The following CDC7 variants were observed in gnomAD, a reference collection of about 807,000 sequenced individuals.
CDC7 encodes the protein cell division cycle 7-related protein kinase.
A neutral mutation model predicts 53.5 loss-of-function variants in CDC7; 34 were observed. The observed-to-expected ratio is 0.64, with a 90% CI of 0.48 to 0.85. The LOEUF is 0.85. CDC7 is among the 40% of genes least tolerant of loss of function. The pLI, the probability that CDC7 is intolerant of heterozygous loss-of-function variation, is 0.00. For missense variants in CDC7, 594 were observed against 679.7 expected (o/e 0.87, Z 1.40); for synonymous variants, 211 against 222.8 (o/e 0.95, Z 0.47).
chr1:91,514,505 C>T (rs1667456263), intron 8 of CDC7, among the ~76,000 whole-genome samples: 1 of 152,160 alleles, frequency 6.6e-6, no homozygotes, highest in Admixed American at 6.5e-5. Flanking sequence ...GTGCAGTTTA[C>T]AGTTCTGAAA....
Position 91,525,617 on chromosome 1 carries a change from T to A in CDC7, c.*1182T>A, listed in dbSNP as rs971091670. 2.6e-5 allele frequency: 4 copies of A among 152,112 alleles called. No individual in the cohort carries two copies. The highest frequency in any genetic ancestry group is 9.7e-5 in the African/African-American group (4 of 41,444). The allele number at this position is 152,112 out of a possible 1,614,324, so 9.4% of individuals were successfully genotyped here. A position where few individuals can be genotyped will look rare whatever the true frequency, so the allele number is the denominator to read the frequency against. ...GTATTCATTTTGTTATTTTGAGCAT[T>A]GATAGGTCAGTATATCTACCTAATC... is the stretch of plus-strand genomic sequence containing the variant. On this transcript the variant is annotated 3_prime_UTR_variant, in exon 12 of 12. Coordinates refer to ENST00000234626, the MANE Select transcript of CDC7 (RefSeq NM_003503.4).
At chr1:91,515,311 G>A (rs896685089) in intron 9 of CDC7, among the ~76,000 whole-genome samples, 2 of 151,940 alleles carry the variant, frequency 1.3e-5, no homozygotes. Context: ...TTTTATTCCC[G>A]CTTATGTGGA....
intron 9 of CDC7, 121 bp from the exon 10 acceptor site, chr1:91,515,673 G>A: frequency 9.0e-7 from 1 of 1,115,132 alleles, no homozygotes; most frequent in Non-Finnish European, 1.3e-6. Context: ...TTACTTTATA[G>A]TAACACTTAT....
At chr1:91,514,236 A>C (rs1016110161) in intron 8 of CDC7, among the ~76,000 whole-genome samples, 193 bp downstream of exon 8, 2 of 152,090 alleles carry the variant, frequency 1.3e-5, no homozygotes, top group African/African-American at 4.8e-5. Context: ...TTCTGGTGGA[A>C]TTTTTTCTCA....
rs924926756 is a variant in CDC7, at chr1:91,515,009, T to G, written c.1097+12T>G. 1.9e-6 allele frequency: 3 copies of G among 1,600,912 alleles called. No individual in the cohort carries two copies. The African/African-American group carries it at 4.0e-5, about 22-fold the overall frequency. ...ATTTGCCTTTCAAGGTAATGTGTTT[T>G]GATGGTGTTATAAAATCACCAGCAT... On this transcript the variant is annotated intron_variant, in intron 9 of 11. Transcript: ENST00000234626.
At chr1:91,506,276 A>T (rs899349078) in intron 2 of CDC7, among the ~76,000 whole-genome samples, 1 of 152,094 alleles carries the variant, frequency 6.6e-6, no homozygotes, top group Non-Finnish European at 1.5e-5. Context: ...CTGGGATTAC[A>T]GGCCTGAGCC....
intron 10 of CDC7, among the ~76,000 whole-genome samples, chr1:91,517,165 A>G (rs1667603069): frequency 6.6e-6 from 1 of 152,202 alleles, no homozygotes; most frequent in Non-Finnish European, 1.5e-5. Context: ...CAGTTGTTAC[A>G]GTTTGGACTA....
rs770564855 is a variant in CDC7, at chr1:91,513,311, C to T, written c.822+4C>T. ...TAAACAAGGAAAAGACGGAAAGGTT[C>T]TATCTCTTTTATTTCTTAAGTACCG... On this transcript the variant is annotated splice_donor_region_variant and intron_variant, in intron 7 of 11. Transcript: ENST00000234626. 3 of 1,610,754 alleles carry T rather than the reference C, an allele frequency of 1.9e-6. No individual in the cohort carries two copies. The highest frequency in any genetic ancestry group is 1.7e-6 in the Non-Finnish European group (2 of 1,177,996).
In CDC7 at chr1:91,513,094, C is replaced by A. The variant is rs1187050012; in HGVS notation, c.609C>A (p.Thr203=). ...ALVDFGLAQG[T]HDTKIELLKF... ...TAGACTTTGGTTTGGCCCAAGGAACCCATGATACGAAAATAGAGCTTCTTA... is the reference window on the plus strand; with the variant it reads ...TAGACTTTGGTTTGGCCCAAGGAACACATGATACGAAAATAGAGCTTCTTA... Residue 203 remains threonine (T), a synonymous_variant, in exon 7 of 12, where the codon ACC becomes ACA. Transcript: ENST00000234626. The A allele has an allele frequency of 6.2e-7, 1 of 1,613,376 alleles. No individual in the cohort carries two copies. The highest frequency in any genetic ancestry group is 1.1e-5 in the South Asian group (1 of 91,036).
intron 7 of CDC7, 27 bp from the exon 8 acceptor site, chr1:91,513,920 AT>A (rs1474718499): frequency 6.7e-7 from 1 of 1,496,846 alleles, no homozygotes; most frequent in South Asian, 1.1e-5. Context: ...TATAATCCTT[AT>A]TTTCCTTGTT....
intron 4 of CDC7, among the ~76,000 whole-genome samples, chr1:91,508,757 A>G (rs1291001541): frequency 1.3e-5 from 2 of 152,152 alleles, no homozygotes. Context: ...TTTTATTTAG[A>G]ATAACAGAAT....
intron 1 of CDC7, chr1:91,501,388 A>G (rs1666662986): frequency 7.4e-6 from 2 of 270,264 alleles, no homozygotes; most frequent in East Asian, 6.9e-5. Context: ...GCTGTGCCGG[A>G]CTGGCAGCCT....
At chr1:91,503,649 ATT>A (rs984951472) in intron 2 of CDC7, among the ~76,000 whole-genome samples, 4 of 152,186 alleles carry the variant, frequency 2.6e-5, no homozygotes, top group Non-Finnish European at 5.9e-5. Flanking sequence ...ATTTTGAGAT[ATT>A]TGTCAGATTT....
intron 4 of CDC7, 145 bp from the exon 5 acceptor site, chr1:91,511,452 T>C: frequency 1.9e-6 from 1 of 525,886 alleles, no homozygotes. Flanking sequence ...CACAAGTCAC[T>C]TGTGTTTATA....
At position 91,524,816 on chromosome 1, in the gene CDC7, T is replaced by TTTA. The variant is rs1440602810; in HGVS notation, c.*382_*384dup. The TTTA allele has an allele frequency of 6.1e-6, 1 of 162,846 alleles. No homozygotes were observed. Among genetic ancestry groups the TTTA allele is most frequent in the Non-Finnish European group, 1.3e-5 (1 of 75,384 alleles). The allele number at this position is 162,846 out of a possible 1,614,324, so 10.1% of individuals were successfully genotyped here. A position where few individuals can be genotyped will look rare whatever the true frequency, so the allele number is the denominator to read the frequency against. ...TCAAAAGACTTAATTTGTAGATTCTTTTAGAGTTATGAGCTAGGTATAGTT... is the reference window on the plus strand; with the variant it reads ...TCAAAAGACTTAATTTGTAGATTCTTTTATTAGAGTTATGAGCTAGGTATAGTT... On this transcript the variant is annotated 3_prime_UTR_variant, in exon 12 of 12. Coordinates refer to ENST00000234626, the MANE Select transcript of CDC7 (RefSeq NM_003503.4).
intron 2 of CDC7, 109 bp downstream of exon 2, chr1:91,501,940 A>G (rs1457994881): frequency 3.7e-6 from 3 of 813,338 alleles, no homozygotes; most frequent in African/African-American, 1.7e-5. Context: ...AGTGAATTGT[A>G]TGTTTCTATA....
chr1:91,521,281 G>T (rs1667931245), intron 11 of CDC7, among the ~76,000 whole-genome samples: 2 of 152,330 alleles, frequency 1.3e-5, no homozygotes, highest in South Asian at 2.1e-4. Flanking sequence ...GAAGGCTCCA[G>T]CCTTGTTAGT....
chr1:91,501,120 C>G (rs1666639195), intron 1 of CDC7, 172 bp downstream of exon 1: 1 of 152,316 alleles, frequency 6.6e-6, no homozygotes, highest in Non-Finnish European at 1.5e-5. Context: ...CTGGTTCGGT[C>G]TCTGGCCCGA....
rs1343642094 is a variant in CDC7 at position 91,501,851 on chromosome 1, G to T, written c.115+20G>T. 6.5e-7 allele frequency: 1 copy of T among 1,527,920 alleles called. No individual in the cohort carries two copies. 94.6% of individuals were successfully genotyped at this position (1,527,920 alleles called of 1,614,324 possible). A position where few individuals can be genotyped will look rare whatever the true frequency, so the allele number is the denominator to read the frequency against. On this transcript the variant is annotated intron_variant, in intron 2 of 11. Transcript: ENST00000234626. ...TTGCAGGTACGTGTTTAAATCCAAA[G>T]ATGTACAGTTATAAAGATTTTTCAG... is the stretch of plus-strand genomic sequence containing the variant.
Sources: gnomAD v4.1 joint callset for allele counts (sites outside exome capture counted in the v4.1 genomes callset) on GRCh38, gnomAD v4.1.1 for gene constraint, MANE v1.5 for transcripts, NCBI Gene and HGNC (gene_info 2026-07-23, HGNC 2026-07-21) for gene names.